The following SMCO4 variants were observed in gnomAD, a reference collection of about 807,000 sequenced individuals.
The protein encoded by SMCO4 is single-pass membrane protein with coiled-coil domains 4.
SMCO4 carries 4 observed loss-of-function variants against 3.6 expected under a neutral mutation model. That is an observed-to-expected ratio of 1.11 (90% CI 0.54 to 2.53). SMCO4 has a LOEUF of 2.53. Ranked by LOEUF, SMCO4 falls within the 30% of genes most tolerant of loss-of-function variation. SMCO4 has a pLI of 0.02. For missense variants in SMCO4, 70 were observed against 80.8 expected, an observed-to-expected ratio of 0.87 and a Z score of 0.51; for synonymous variants, 36 against 35.3, an observed-to-expected ratio of 1.02 and a Z score of -0.07.
chr11:93,505,562 T>C (rs1026783738), intron 1 of SMCO4, among the ~76,000 whole-genome samples: 5 of 152,192 alleles, frequency 3.3e-5, no homozygotes, highest in African/African-American at 7.2e-5. Flanking sequence ...AGAAACCTAA[T>C]TTTACGACTT....
intron 1 of SMCO4, among the ~76,000 whole-genome samples, chr11:93,519,633 A>G (rs1949040034): frequency 6.6e-6 from 1 of 152,240 alleles, no homozygotes; most frequent in South Asian, 2.1e-4. Flanking sequence ...GAGCTCTTTA[A>G]AAGTTCGAAC....
At chr11:93,511,324 G>A (rs1040529882) in intron 1 of SMCO4, among the ~76,000 whole-genome samples, 1 of 152,046 alleles carries the variant, frequency 6.6e-6, no homozygotes, top group African/African-American at 2.4e-5. Flanking sequence ...CATGCCAGAC[G>A]CTGCCCTAGG....
chr11:93,539,966 A>G (rs1949258840), intron 1 of SMCO4, among the ~76,000 whole-genome samples: 1 of 152,044 alleles, frequency 6.6e-6, no homozygotes. Flanking sequence ...TTTAAAAAAA[A>G]AAAAAAGGAG....
chr11:93,479,643 C>T (rs938604187), intron 2 of SMCO4, among the ~76,000 whole-genome samples: 19 of 152,232 alleles, frequency 1.2e-4, no homozygotes, highest in African/African-American at 4.6e-4. Context: ...GCTCTAAGTT[C>T]CATGATCTCC....
chr11:93,526,012 C>G (rs1429299583), intron 1 of SMCO4, among the ~76,000 whole-genome samples: 2 of 152,232 alleles, frequency 1.3e-5, no homozygotes, highest in East Asian at 3.8e-4. Flanking sequence ...AATAATCCAT[C>G]TTCATCCACT....
the SMCO4 span, among the ~76,000 whole-genome samples, chr11:93,552,557 T>A: frequency 6.6e-6 from 1 of 151,320 alleles, no homozygotes; most frequent in Admixed American, 6.6e-5. Context: ...CTGCAACCTC[T>A]GTCTCCCGGG....
chr11:93,493,802 GC>G (rs1245850811), intron 2 of SMCO4, among the ~76,000 whole-genome samples: 2 of 152,100 alleles, frequency 1.3e-5, no homozygotes, highest in Non-Finnish European at 2.9e-5. Flanking sequence ...CCACTTCCAA[GC>G]CTCCTCATCT....
chr11:93,509,150 G>C (rs1008855441), intron 1 of SMCO4, among the ~76,000 whole-genome samples: 2 of 152,040 alleles, frequency 1.3e-5, no homozygotes, highest in Non-Finnish European at 2.9e-5. Flanking sequence ...AGTTAGCTGG[G>C]CATGGTTGCA....
chr11:93,540,837 G>A (rs1412227231), intron 1 of SMCO4, among the ~76,000 whole-genome samples: 1 of 152,084 alleles, frequency 6.6e-6, no homozygotes, highest in Non-Finnish European at 1.5e-5. Context: ...AATTAATCAA[G>A]CCTTTACTTG....
chr11:93,546,893 C>T (rs1230267820), upstream of SMCO4, among the ~76,000 whole-genome samples: 2 of 152,174 alleles, frequency 1.3e-5, no homozygotes, highest in Non-Finnish European at 1.5e-5. Context: ...TCTTTCTGTT[C>T]CCCAAACCAG....
chr11:93,527,043 C>T (rs1173811474), intron 1 of SMCO4, among the ~76,000 whole-genome samples: 1 of 152,220 alleles, frequency 6.6e-6, no homozygotes, highest in Non-Finnish European at 1.5e-5. Flanking sequence ...CAAGACACAA[C>T]AGAGCTCACA....
At position 93,478,982 on chromosome 11, in the gene SMCO4, C is replaced by G; in HGVS notation, c.*28G>C. The G allele has an allele frequency of 6.3e-7, 1 of 1,581,202 alleles. No individual in the cohort carries two copies. Among genetic ancestry groups the G allele is most frequent in the Non-Finnish European group, 8.6e-7 (1 of 1,161,622 alleles). The stretch of plus-strand genomic sequence containing the variant: ...CCCCTCCCGCGCCTCCTCTCCCTGC[C>G]GATGGGGTCCGCAGCCGGCTGCGGG... On this transcript the variant is annotated 3_prime_UTR_variant, in exon 3 of 3. Transcript: ENST00000298966.
At chr11:93,511,012 T>A (rs1948951902) in intron 1 of SMCO4, among the ~76,000 whole-genome samples, 1 of 151,924 alleles carries the variant, frequency 6.6e-6, no homozygotes, top group Non-Finnish European at 1.5e-5. Context: ...GGCAGGAGAA[T>A]CACTTAAACC....
intron 2 of SMCO4, among the ~76,000 whole-genome samples, chr11:93,498,996 G>T (rs1264499357): frequency 1.3e-5 from 2 of 152,080 alleles, no homozygotes; most frequent in South Asian, 4.2e-4. Context: ...AGAGAGGAAG[G>T]GTGAGACCAT....
the SMCO4 span, among the ~76,000 whole-genome samples, chr11:93,549,837 G>C: frequency 6.6e-6 from 1 of 152,140 alleles, no homozygotes; most frequent in African/African-American, 2.4e-5. Context: ...AGAGCTTGAA[G>C]TCCTGTACAT....
chr11:93,499,407 C>T (rs1379198249), intron 1 of SMCO4, 59 bp from the exon 2 acceptor site: 1 of 152,214 alleles, frequency 6.6e-6, no homozygotes, highest in East Asian at 1.9e-4. Flanking sequence ...CCTCCACAGA[C>T]TCCTTTTTTG....
At chr11:93,544,849 CA>C (rs1480742866), upstream of SMCO4, among the ~76,000 whole-genome samples, 1 of 152,160 alleles carries the variant, frequency 6.6e-6, no homozygotes, top group Non-Finnish European at 1.5e-5. Flanking sequence ...ACCTGAAACA[CA>C]AAGATATTTA....
chr11:93,492,343 T>C (rs1329629122), intron 2 of SMCO4, among the ~76,000 whole-genome samples: 1 of 152,224 alleles, frequency 6.6e-6, no homozygotes, highest in Non-Finnish European at 1.5e-5. Context: ...GTCCATCTGA[T>C]CATTCATTGA....
At chr11:93,512,218 A>G (rs1948964068) in intron 1 of SMCO4, among the ~76,000 whole-genome samples, 1 of 152,232 alleles carries the variant, frequency 6.6e-6, no homozygotes, top group Non-Finnish European at 1.5e-5. Flanking sequence ...ACAGTCACGC[A>G]CCACATAATG....
Sources: allele counts gnomAD v4.1 joint callset (sites outside exome capture counted in the v4.1 genomes callset), GRCh38; gene constraint gnomAD v4.1.1; transcripts MANE v1.5; gene names NCBI Gene and HGNC (gene_info 2026-07-23, HGNC 2026-07-21).